CELF4: variants seen among roughly 807,000 people sequenced by gnomAD.
CELF4 encodes CUGBP Elav-like family member 4, also known as CUG-BP- and ETR-3-like factor 4.
Under a neutral mutation model 59.9 loss-of-function variants are expected in CELF4, and 18 were observed. That is an observed-to-expected ratio of 0.30 (90% CI 0.21 to 0.45). CELF4 has a LOEUF of 0.45. CELF4 is among the 20% of genes least tolerant of loss of function. The pLI, the probability that CELF4 is intolerant of heterozygous loss-of-function variation, is 1.00. For synonymous variants in CELF4, 261 were observed against 267.1 expected (o/e 0.98, Z 0.22); for missense variants, 456 against 689.0 (o/e 0.66, Z 3.79).
chr18:37,500,829 T>C (rs904856526), intron 1 of CELF4, among the ~76,000 whole-genome samples: 2 of 152,106 alleles, frequency 1.3e-5, no homozygotes, highest in Non-Finnish European at 2.9e-5. Context: ...CCACCACACC[T>C]GGTCATTTTC....
At chr18:37,543,194 C>G (rs549580402) in intron 1 of CELF4, among the ~76,000 whole-genome samples, 1 of 152,194 alleles carries the variant, frequency 6.6e-6, no homozygotes, top group Non-Finnish European at 1.5e-5. Flanking sequence ...GGCTGTGAAA[C>G]AGGAAGCGTT....
intron 1 of CELF4, among the ~76,000 whole-genome samples, chr18:37,556,370 T>G (rs2099984798): frequency 6.6e-6 from 1 of 152,240 alleles, no homozygotes; most frequent in Non-Finnish European, 1.5e-5. Flanking sequence ...AGGGGAAGTT[T>G]ACTGAGCTCA....
intron 2 of CELF4, among the ~76,000 whole-genome samples, chr18:37,363,051 C>A (rs2098730171): frequency 6.6e-6 from 1 of 152,232 alleles, no homozygotes; most frequent in Non-Finnish European, 1.5e-5. Context: ...CCCACTCTCT[C>A]TTCTCCCTCT....
At chr18:37,348,023 T>G (rs906055216) in intron 2 of CELF4, among the ~76,000 whole-genome samples, 1 of 152,176 alleles carries the variant, frequency 6.6e-6, no homozygotes, top group African/African-American at 2.4e-5. Flanking sequence ...GTGGGCCTGG[T>G]GCCTGAGGTC....
At chr18:37,336,165 G>T (rs1382147184) in intron 2 of CELF4, among the ~76,000 whole-genome samples, 9 of 152,216 alleles carry the variant, frequency 5.9e-5, no homozygotes, top group Admixed American at 5.2e-4. Context: ...GCCTCGCTCA[G>T]GGAGGGCTCA....
At chr18:37,407,916 T>A (rs940912820) in intron 2 of CELF4, among the ~76,000 whole-genome samples, 2 of 112,614 alleles carry the variant, frequency 1.8e-5, no homozygotes, top group Non-Finnish European at 4.1e-5. Context: ...TTTCCTTTTT[T>A]AATCAAATCT....
chr18:37,508,570 C>G (rs889703868), intron 1 of CELF4, among the ~76,000 whole-genome samples: 1 of 152,202 alleles, frequency 6.6e-6, no homozygotes, highest in Non-Finnish European at 1.5e-5. Flanking sequence ...ACTAGGCATG[C>G]ATAGGTAGGG....
rs184299517 is a variant in CELF4, at chr18:37,330,933, C to T, written c.370-9052G>A. Among the ~76,000 whole-genome samples the T allele has an allele frequency of 7.1e-3, 1,085 of 152,248 alleles. 15 individuals carry two copies. The highest frequency in any genetic ancestry group is 7.5e-3 in the Admixed American group (115 of 15,298). On this transcript the variant is annotated intron_variant, in intron 2 of 12. Transcript: ENST00000420428. ...ATTTAGAGAGACAGCCAGTGAGCAC[C>T]GACCAGACAGAAGAACCGGAGGTTA...
At chr18:37,463,579 C>A (rs1412366795) in intron 2 of CELF4, among the ~76,000 whole-genome samples, 1 of 152,154 alleles carries the variant, frequency 6.6e-6, no homozygotes, top group African/African-American at 2.4e-5. Context: ...TGGACCTGGG[C>A]CAAAGGGTCC....
chr18:37,504,411 G>A (rs748707582), intron 1 of CELF4, among the ~76,000 whole-genome samples: 10 of 140,206 alleles, frequency 7.1e-5, no homozygotes, highest in Non-Finnish European at 1.3e-4. Context: ...CCGAGATCAC[G>A]CCACTTCACT....
chr18:37,251,702 T>C (rs918709681), intron 12 of CELF4, among the ~76,000 whole-genome samples: 18 of 152,204 alleles, frequency 1.2e-4, no homozygotes, highest in Non-Finnish European at 2.2e-4. Context: ...AAAGCTGCTT[T>C]CACGAAACCG....
chr18:37,549,917 C>G (rs2099982612), intron 1 of CELF4, among the ~76,000 whole-genome samples: 2 of 151,918 alleles, frequency 1.3e-5, no homozygotes, highest in African/African-American at 4.8e-5. Context: ...ATATCATATC[C>G]CCAGCTCAGA....
intron 2 of CELF4, among the ~76,000 whole-genome samples, chr18:37,385,061 AC>A (rs2099084013): frequency 6.6e-6 from 1 of 152,166 alleles, no homozygotes; most frequent in Non-Finnish European, 1.5e-5. Context: ...AAATGTGATC[AC>A]TAGGCTGGGC....
chr18:37,489,178 A>G (rs993353431), intron 1 of CELF4, among the ~76,000 whole-genome samples: 4 of 152,262 alleles, frequency 2.6e-5, no homozygotes, highest in Admixed American at 1.3e-4. Flanking sequence ...AGCCCATCCG[A>G]TGCAGCGGCT....
At chr18:37,273,615 G>A (rs1166573110) in intron 6 of CELF4, 2 of 989,908 alleles carry the variant, frequency 2.0e-6, no homozygotes, top group Non-Finnish European at 2.4e-6. Context: ...AGAACCCCAG[G>A]CACCCCTAGT....
intron 1 of CELF4, among the ~76,000 whole-genome samples, chr18:37,509,279 T>C (rs1372608673): frequency 6.6e-6 from 1 of 152,216 alleles, no homozygotes; most frequent in East Asian, 1.9e-4. Flanking sequence ...ATTTATAATA[T>C]GTAGGTATTT....
At position 37,452,982 on chromosome 18, in the gene CELF4, GTT is replaced by G. The variant is rs1483695696; in HGVS notation, c.369+32541_369+32542del. Among the ~76,000 whole-genome samples, 249 of 152,270 alleles carry G rather than the reference GTT, an allele frequency of 1.6e-3. 1 individual carries two copies. The highest frequency in any genetic ancestry group is 4.9e-3 in the African/African-American group (204 of 41,556). On this transcript the variant is annotated intron_variant, in intron 2 of 12. Coordinates refer to ENST00000420428, the MANE Select transcript of CELF4 (RefSeq NM_020180.4). ...AGTCTCCTCCAGCCCGCAGAAAAAT[GTT>G]GCCTGGCTTTGCCAGCCATTCCAGA...
intron 10 of CELF4, among the ~76,000 whole-genome samples, chr18:37,260,623 C>T (rs891318394): frequency 1.6e-4 from 24 of 152,192 alleles, no homozygotes; most frequent in African/African-American, 5.6e-4. Flanking sequence ...CATGAGGCTG[C>T]CAGACAACCC....
intron 3 of CELF4, chr18:37,275,997 A>ATGAC (rs2093164685): frequency 6.6e-6 from 1 of 152,232 alleles, no homozygotes; most frequent in African/African-American, 2.4e-5. Flanking sequence ...TAAAGAATGA[A>ATGAC]TGACTGCCTG....
Sources: gnomAD v4.1 joint callset for allele counts (sites outside exome capture counted in the v4.1 genomes callset) on GRCh38, gnomAD v4.1.1 for gene constraint, MANE v1.5 for transcripts, NCBI Gene and HGNC (gene_info 2026-07-23, HGNC 2026-07-21) for gene names.